The following PCDH15 variants were observed in gnomAD, a reference collection of about 807,000 sequenced individuals.
PCDH15 encodes protocadherin related 15, also known as protocadherin-15.
A neutral mutation model predicts 178.5 loss-of-function variants in PCDH15; 129 were observed. The ratio of observed to expected loss-of-function variants is 0.72; its 90% CI spans 0.63 to 0.84. The LOEUF is 0.84. PCDH15 is among the 40% of genes least tolerant of loss of function. The pLI, the probability that PCDH15 is intolerant of heterozygous loss-of-function variation, is 0.00. For missense variants in PCDH15, 2,230 were observed against 2,099.9 expected (o/e 1.06, Z -1.21); for synonymous variants, 800 against 732.0 (o/e 1.09, Z -1.50).
At chr10:54,946,509 A>T (rs1162598379) in intron 2 of PCDH15, among the ~76,000 whole-genome samples, 7 of 151,812 alleles carry the variant, frequency 4.6e-5, no homozygotes. Flanking sequence ...TGTTACGCAA[A>T]AACATACACA....
At chr10:54,594,553 C>A (rs112964866) in intron 2 of PCDH15, among the ~76,000 whole-genome samples, 2,646 of 152,204 alleles carry the variant, frequency 0.017, 31 homozygotes, top group Non-Finnish European at 0.028. Flanking sequence ...TCCAGAAGAG[C>A]AAACCCTGTG....
chr10:54,958,346 C>T (rs1838546562), intron 2 of PCDH15, among the ~76,000 whole-genome samples: 1 of 151,634 alleles, frequency 6.6e-6, no homozygotes, highest in Non-Finnish European at 1.5e-5. Flanking sequence ...ACCATGGTAT[C>T]CCATGAAATT....
At chr10:54,205,135 A>G (rs1191122508) in intron 10 of PCDH15, among the ~76,000 whole-genome samples, 4 of 152,062 alleles carry the variant, frequency 2.6e-5, no homozygotes, top group Non-Finnish European at 5.9e-5. Flanking sequence ...CCTTTCCAAA[A>G]CAGCCACATC....
chr10:54,986,521 A>G (rs913168761), intron 2 of PCDH15, among the ~76,000 whole-genome samples: 5 of 152,240 alleles, frequency 3.3e-5, no homozygotes, highest in African/African-American at 1.2e-4. Flanking sequence ...TGAGAGAGTC[A>G]GTTTCAATAT....
At chr10:55,356,524 T>G (rs1845085467) in intron 2 of PCDH15, among the ~76,000 whole-genome samples, 1 of 151,902 alleles carries the variant, frequency 6.6e-6, no homozygotes, top group Non-Finnish European at 1.5e-5. Context: ...AGAGGGATGA[T>G]AAAAATTTAA....
chr10:54,335,666 G>T (rs1199853525), intron 6 of PCDH15, among the ~76,000 whole-genome samples: 1 of 152,100 alleles, frequency 6.6e-6, no homozygotes, highest in African/African-American at 2.4e-5. Flanking sequence ...CACCAAGATT[G>T]TGAGGCCTCC....
At chr10:55,374,329 T>C (rs568444382) in intron 2 of PCDH15, among the ~76,000 whole-genome samples, 1 of 152,256 alleles carries the variant, frequency 6.6e-6, no homozygotes, top group African/African-American at 2.4e-5. Context: ...AGAGGCCCTC[T>C]GGCCATGGAG....
chr10:53,944,125 G>C (rs2086321771), intron 23 of PCDH15, among the ~76,000 whole-genome samples: 1 of 152,136 alleles, frequency 6.6e-6, no homozygotes, highest in Non-Finnish European at 1.5e-5. Context: ...GAGAGGAATG[G>C]AAGTTAGGAA....
chr10:55,325,777 C>T (rs905620670), intron 2 of PCDH15, among the ~76,000 whole-genome samples: 1 of 151,960 alleles, frequency 6.6e-6, no homozygotes, highest in South Asian at 2.1e-4. Flanking sequence ...ACACCAACAA[C>T]ACAATCTATC....
At chr10:54,205,687 C>T (rs1204446584) in intron 10 of PCDH15, among the ~76,000 whole-genome samples, 3 of 151,856 alleles carry the variant, frequency 2.0e-5, no homozygotes, top group African/African-American at 7.3e-5. Flanking sequence ...GATTCTTGAC[C>T]CTACTTATAA....
chr10:54,527,393 A>C (rs1458422340), intron 3 of PCDH15, among the ~76,000 whole-genome samples: 1 of 152,106 alleles, frequency 6.6e-6, no homozygotes, highest in African/African-American at 2.4e-5. Context: ...CACCATGTCT[A>C]ATCGGCTGTG....
chr10:53,826,908 A>C (rs1425911862), intron 32 of PCDH15, among the ~76,000 whole-genome samples: 3 of 152,136 alleles, frequency 2.0e-5, no homozygotes, highest in African/African-American at 4.8e-5. Flanking sequence ...TATCTCAGAA[A>C]ATACTACGAT....
At chr10:54,786,047 C>T (rs563798673) in intron 1 of PCDH15, among the ~76,000 whole-genome samples, 1 of 152,002 alleles carries the variant, frequency 6.6e-6, no homozygotes, top group Admixed American at 6.6e-5. Context: ...ATATAATATG[C>T]ACTTATACTT....
intron 26 of PCDH15, among the ~76,000 whole-genome samples, chr10:53,887,650 A>G (rs2081190372): frequency 6.6e-6 from 1 of 152,206 alleles, no homozygotes; most frequent in Non-Finnish European, 1.5e-5. Context: ...GCACTTTGGG[A>G]GGCCGAGGCG....
chr10:55,449,838 C>T (rs932750921), intron 2 of PCDH15, among the ~76,000 whole-genome samples: 9 of 151,948 alleles, frequency 5.9e-5, no homozygotes, highest in Non-Finnish European at 1.0e-4. Flanking sequence ...TTTCTGAGGA[C>T]AGTAAGTGTT....
intron 2 of PCDH15, among the ~76,000 whole-genome samples, chr10:54,944,327 G>T (rs1838137034): frequency 1.3e-5 from 2 of 151,998 alleles, no homozygotes; most frequent in South Asian, 2.1e-4. Flanking sequence ...GGATGCAAAA[G>T]GTTTCTGTGA....
At chr10:55,076,124 A>T (rs1156553082) in intron 2 of PCDH15, among the ~76,000 whole-genome samples, 1 of 152,174 alleles carries the variant, frequency 6.6e-6, no homozygotes, top group Non-Finnish European at 1.5e-5. Context: ...TTATTTTTAA[A>T]AAATGAGACT....
intron 2 of PCDH15, among the ~76,000 whole-genome samples, chr10:54,554,848 G>A (rs186217348): frequency 1.3e-5 from 2 of 152,196 alleles, no homozygotes; most frequent in East Asian, 1.9e-4. Context: ...AAAAGTCATG[G>A]AATAAAAACA....
At position 54,997,933 on chromosome 10, in the gene PCDH15, G is replaced by T. The variant is rs79710934; in HGVS notation, c.-79-100433C>A. On this transcript the variant is annotated intron_variant, in intron 2 of 5. Transcript: ENST00000458638. Reference sequence around the variant, plus strand: ...AATTAAGAAAGGGTTATGATATGCAGAAATGTATTTTTTAAAATTGTAGAA... The same window carrying T: ...AATTAAGAAAGGGTTATGATATGCATAAATGTATTTTTTAAAATTGTAGAA... Among the ~76,000 whole-genome samples, 102 of 152,186 alleles carry T rather than the reference G, an allele frequency of 6.7e-4. 1 individual carries two copies. In the East Asian group the frequency reaches 0.013, roughly 20 times the overall value.
Sources: allele counts gnomAD v4.1 joint callset (sites outside exome capture counted in the v4.1 genomes callset), GRCh38; gene constraint gnomAD v4.1.1; transcripts MANE v1.5; gene names NCBI Gene and HGNC (gene_info 2026-07-23, HGNC 2026-07-21).